DPP4: variants seen among roughly 807,000 people sequenced by gnomAD.
DPP4 encodes the protein ADCP-2.
Under a neutral mutation model 122.4 loss-of-function variants are expected in DPP4, and 93 were observed. That is an observed-to-expected ratio of 0.76 (90% confidence interval 0.64 to 0.90). The LOEUF (loss-of-function observed/expected upper bound fraction) is 0.90. Ranked by LOEUF, DPP4 falls within the 40% of genes least tolerant of loss-of-function variation. The pLI is 0.00. For synonymous variants in DPP4, 321 were observed against 302.9 expected (o/e 1.06, Z -0.62); for missense variants, 914 against 907.3 (o/e 1.01, Z -0.09).
At chr2:162,005,543 T>C (rs892459255) in intron 23 of DPP4, 3 of 512,054 alleles carry the variant, frequency 5.9e-6, no homozygotes, top group East Asian at 3.0e-5. Context: ...TTGTGACCTA[T>C]ATAGCATACG....
intron 2 of DPP4, among the ~76,000 whole-genome samples, chr2:162,067,538 A>G (rs1175479220): frequency 6.6e-6 from 1 of 152,174 alleles, no homozygotes; most frequent in East Asian, 1.9e-4. Context: ...TCACTGAACC[A>G]AATAATTAAG....
chr2:162,052,034 G>A (rs974097895), intron 2 of DPP4, among the ~76,000 whole-genome samples: 4 of 152,048 alleles, frequency 2.6e-5, no homozygotes, highest in African/African-American at 9.7e-5. Flanking sequence ...AAGGGCTGGA[G>A]GGAGGCCAGG....
chr2:161,999,898 A>T (rs563014267), intron 23 of DPP4, among the ~76,000 whole-genome samples: 51 of 152,248 alleles, frequency 3.3e-4, no homozygotes, highest in African/African-American at 1.2e-3. Context: ...TAACCCTGTG[A>T]GGTAGGTCTG....
intron 2 of DPP4, among the ~76,000 whole-genome samples, chr2:162,061,001 C>CTT (rs1684753383): frequency 1.6e-5 from 2 of 125,146 alleles, no homozygotes; most frequent in African/African-American, 6.9e-5. Flanking sequence ...TCCCTCCCTC[C>CTT]CTCCCTCCTT....
chr2:162,039,444 G>T (rs1270899173), intron 5 of DPP4, among the ~76,000 whole-genome samples: 1 of 152,036 alleles, frequency 6.6e-6, no homozygotes, highest in Non-Finnish European at 1.5e-5. Context: ...ATGTCATTTT[G>T]TACAAACATT....
rs763894975 is a variant in DPP4 at position 162,042,964 on chromosome 2, A to C, written c.366+2568T>G. On this transcript the variant is annotated intron_variant, in intron 5 of 25. Transcript: ENST00000360534. ...TGACAAAGTGACCCAAGAAATCTGG[A>C]CCTGAGTTAATAGAGAGAAGCATAT... Among the ~76,000 whole-genome samples, 170 of 152,188 alleles carry C rather than the reference A, an allele frequency of 1.1e-3. 7 individuals are homozygous for C. The highest frequency in any genetic ancestry group is 2.6e-4 in the Non-Finnish European group (18 of 68,028).
chr2:162,035,017 T>C (rs1576054437), intron 9 of DPP4, 147 bp downstream of exon 9: 2 of 673,110 alleles, frequency 3.0e-6, no homozygotes, highest in East Asian at 5.7e-5. Context: ...TACTTTAAAA[T>C]TGCCAGATGC....
At chr2:162,043,025 A>T (rs964968793) in intron 5 of DPP4, among the ~76,000 whole-genome samples, 2 of 152,174 alleles carry the variant, frequency 1.3e-5, no homozygotes, top group Admixed American at 6.5e-5. Context: ...AGCAATAGCA[A>T]GTGATTTTGC....
chr2:162,002,397 CA>C (rs1172155650), intron 23 of DPP4, among the ~76,000 whole-genome samples: 1 of 152,116 alleles, frequency 6.6e-6, no homozygotes, highest in African/African-American at 2.4e-5. Context: ...CATTTTCTTC[CA>C]AAGGCTGTAA....
At chr2:162,056,772 G>A (rs1273049114) in intron 2 of DPP4, among the ~76,000 whole-genome samples, 1 of 152,202 alleles carries the variant, frequency 6.6e-6, no homozygotes, top group Admixed American at 6.5e-5. Flanking sequence ...CCAAGATGTA[G>A]GCTAGTAGTT....
intron 8 of DPP4, 74 bp downstream of exon 8, chr2:162,038,228 C>T: frequency 7.4e-7 from 1 of 1,346,454 alleles, no homozygotes; most frequent in Non-Finnish European, 1.0e-6. Context: ...TAAATTTTCC[C>T]ATTGCAAAAG....
intron 2 of DPP4, among the ~76,000 whole-genome samples, chr2:162,063,571 G>A (rs147687605): frequency 7.0e-4 from 106 of 152,096 alleles, no homozygotes; most frequent in Non-Finnish European, 9.0e-4. Flanking sequence ...CCGAGGGGAG[G>A]TGGAGAAGAA....
intron 19 of DPP4, among the ~76,000 whole-genome samples, chr2:162,013,358 T>C (rs1334379581): frequency 6.6e-6 from 1 of 152,158 alleles, no homozygotes; most frequent in Non-Finnish European, 1.5e-5. Flanking sequence ...TGACTTCATT[T>C]GTTACAATTA....
chr2:162,027,862 G>T (rs73007394), intron 10 of DPP4, among the ~76,000 whole-genome samples: 4 of 152,052 alleles, frequency 2.6e-5, no homozygotes, highest in African/African-American at 9.7e-5. Context: ...TCAGATCAAA[G>T]GTTTATGGTC....
chr2:162,009,381 T>C (rs1576037271), intron 20 of DPP4, 86 bp from the exon 21 acceptor site: 1 of 1,212,216 alleles, frequency 8.2e-7, no homozygotes, highest in Non-Finnish European at 1.2e-6. Context: ...ACCCTGCCAT[T>C]TGTTCTCTGC....
At chr2:162,015,808 A>G (rs776417051) in intron 18 of DPP4, among the ~76,000 whole-genome samples, 1 of 152,182 alleles carries the variant, frequency 6.6e-6, no homozygotes, top group Non-Finnish European at 1.5e-5. Flanking sequence ...ACATCTCAGT[A>G]TTCAGTGCCT....
Position 162,046,834 on chromosome 2 carries a change from A to T in DPP4, c.285+81T>A, listed in dbSNP as rs181527824. 6.3e-5 allele frequency: 57 copies of T among 903,194 alleles called. No homozygotes were observed. The East Asian group carries it at 1.3e-3, about 21-fold the overall frequency. The allele number at this position is 903,194 out of a possible 1,614,324, so 55.9% of individuals were successfully genotyped here. A position where few individuals can be genotyped will look rare whatever the true frequency, so the allele number is the denominator to read the frequency against. On this transcript the variant is annotated intron_variant, in intron 4 of 25. Transcript: ENST00000360534. ...CAGAAAGAGTCCAACAGGTTGAGAA[A>T]TGACAGTACTCGTGATTCCAAAGGT...
intron 10 of DPP4, 78 bp downstream of exon 10, chr2:162,033,463 T>C (rs1262306226): frequency 5.8e-6 from 6 of 1,034,594 alleles, no homozygotes; most frequent in African/African-American, 3.2e-5. Context: ...TGATCCACTT[T>C]GCCATTCACT....
intron 1 of DPP4, chr2:162,073,734 C>A: frequency 1.4e-6 from 1 of 689,984 alleles, no homozygotes; most frequent in Non-Finnish European, 2.4e-6. Context: ...CGGGTTCGGG[C>A]GTGCGTTCTG....
Sources: allele counts gnomAD v4.1 joint callset (sites outside exome capture counted in the v4.1 genomes callset), GRCh38; gene constraint gnomAD v4.1.1; transcripts MANE v1.5; gene names NCBI Gene and HGNC (gene_info 2026-07-23, HGNC 2026-07-21).